Variants in ASXL1 observed in about 807,000 individuals in gnomAD.
ASXL1 encodes ASXL transcriptional regulator 1, also known as polycomb group protein ASXL1.
ASXL1 carries 65 observed loss-of-function variants against 89.1 expected under a neutral mutation model. The ratio of observed to expected loss-of-function variants is 0.73; its 90% CI spans 0.60 to 0.90. ASXL1 has a LOEUF of 0.90. Ranked by LOEUF, ASXL1 falls within the 40% of genes least tolerant of loss-of-function variation. The pLI is 0.00. For synonymous variants in ASXL1, 739 were observed against 746.9 expected (o/e 0.99, Z 0.17); for missense variants, 1,786 against 1,942.9 (o/e 0.92, Z 1.52).
chr20:32,393,757 A>C (rs1275045235), intron 4 of ASXL1, among the ~76,000 whole-genome samples: 1 of 152,162 alleles, frequency 6.6e-6, no homozygotes, highest in Non-Finnish European at 1.5e-5. Context: ...GGTGTGAGCC[A>C]CTGCGGCTGG....
chr20:32,437,865 T>A lies in ASXL1; in HGVS notation c.*527T>A. The A allele has an allele frequency of 4.1e-6, 1 of 243,304 alleles. No individual in the cohort carries two copies. Among genetic ancestry groups the A allele is most frequent in the Non-Finnish European group, 8.1e-6 (1 of 123,930 alleles). 15.1% of individuals were successfully genotyped at this position (243,304 alleles called of 1,614,324 possible). Reference sequence around the variant, plus strand: ...GCACCTGCTGACCTCAGGGTCACAGTTGAGTCATTTGCCAGTTGACGGAGC... The same window carrying A: ...GCACCTGCTGACCTCAGGGTCACAGATGAGTCATTTGCCAGTTGACGGAGC... On this transcript the variant is annotated 3_prime_UTR_variant, in exon 13 of 13. Coordinates refer to ENST00000375687, the MANE Select transcript of ASXL1 (RefSeq NM_015338.6).
intron 4 of ASXL1, among the ~76,000 whole-genome samples, chr20:32,413,995 G>C (rs986938187): frequency 6.6e-6 from 1 of 152,174 alleles, no homozygotes; most frequent in Non-Finnish European, 1.5e-5. Context: ...CAGAATTCCA[G>C]AAGATGTTAC....
chr20:32,384,240 T>C (rs1390605912), intron 4 of ASXL1, among the ~76,000 whole-genome samples: 1 of 139,648 alleles, frequency 7.2e-6, no homozygotes, highest in Admixed American at 7.6e-5. Context: ...AGAGTCTTGC[T>C]GTGTTGCTCA....
In ASXL1 at chr20:32,439,183, T is replaced by C. The variant is rs950478348; in HGVS notation, c.*1845T>C. ...AGGGGCCCAAACATGTCCAGTCCTC[T>C]TCTTCCCTCTGCTGGAACCTTTGGG... On this transcript the variant is annotated 3_prime_UTR_variant, in exon 13 of 13. Coordinates refer to ENST00000375687, the MANE Select transcript of ASXL1 (RefSeq NM_015338.6). 4 of 233,466 alleles carry C rather than the reference T, an allele frequency of 1.7e-5. No individual in the cohort carries two copies. Among genetic ancestry groups the C allele is most frequent in the Admixed American group, 1.1e-4 (2 of 17,782 alleles). 14.5% of individuals were successfully genotyped at this position (233,466 alleles called of 1,614,324 possible).
At chr20:32,419,923 A>G (rs1419717462) in intron 4 of ASXL1, among the ~76,000 whole-genome samples, 1 of 151,302 alleles carries the variant, frequency 6.6e-6, no homozygotes, top group Non-Finnish European at 1.5e-5. Context: ...CAGATGATCC[A>G]CCCACCTCGG....
In ASXL1 at chr20:32,436,175, C is replaced by A. The variant is rs776864243; in HGVS notation, c.3463C>A (p.Leu1155Ile). ...GCTACGCATGGGATCTTTACATGGT[C>A]TTGGAAAAAACAGTGGCATGGTTGA... ...GSLRMGSLHGLGKNSGMVDGS... is the reference protein window; with the variant it reads ...GSLRMGSLHGIGKNSGMVDGS... Residue 1155 changes from leucine (L) to isoleucine (I), a missense_variant, in exon 13 of 13, where the codon CTT becomes ATT. This residue lies in a region of ASXL1 where 1,418 missense variants were observed against 1,427.8 expected (regional missense o/e 0.99). Coordinates refer to ENST00000375687, the MANE Select transcript of ASXL1 (RefSeq NM_015338.6). The A allele has an allele frequency of 2.5e-6, 4 of 1,614,098 alleles. No homozygotes were observed. In the African/African-American group the frequency reaches 5.3e-5, roughly 22 times the overall value.
Position 32,436,560 on chromosome 20 carries a change from G to A in ASXL1, c.3848G>A (p.Gly1283Asp). The change falls in exon 13 of 13, where the codon GGT becomes GAT. Residue 1283 changes from glycine (G) to aspartate (D), a missense_variant. This residue lies in a region of ASXL1 where 1,418 missense variants were observed against 1,427.8 expected (regional missense o/e 0.99). Coordinates refer to ENST00000375687, the MANE Select transcript of ASXL1 (RefSeq NM_015338.6). ...TCATCTCCAAATGTGATCTCCTTTG[G>A]TCCAGAGCAGACAGGTCGGGCCCTG... ...RFSSPNVISF[G>D]PEQTGRALGD... The A allele has an allele frequency of 1.2e-6, 2 of 1,614,184 alleles. No individual in the cohort carries two copies. The highest frequency in any genetic ancestry group is 1.1e-5 in the South Asian group (1 of 91,084).
At position 32,436,975 on chromosome 20, in the gene ASXL1, C is replaced by T; in HGVS notation, c.4263C>T (p.Leu1421=). The T allele has an allele frequency of 6.2e-7, 1 of 1,614,114 alleles. No homozygotes were observed. Among genetic ancestry groups the T allele is most frequent in the Non-Finnish European group, 8.5e-7 (1 of 1,180,024 alleles). The change falls in exon 13 of 13, where the codon CTC becomes CTT. Residue 1421 remains leucine (L), a synonymous_variant. Coordinates refer to ENST00000375687, the MANE Select transcript of ASXL1 (RefSeq NM_015338.6). ...WKLPREPGKG[L]SEPLEPSSLP... is the part of the protein sequence containing the mutation. Reference sequence around the variant, plus strand: ...TACCCCGAGAGCCAGGGAAGGGGCTCAGTGAGCCTCTGGAGCCTTCTTCTC... The same window carrying T: ...TACCCCGAGAGCCAGGGAAGGGGCTTAGTGAGCCTCTGGAGCCTTCTTCTC...
chr20:32,434,265 A>G (rs917943319), intron 12 of ASXL1, 167 bp from the exon 13 acceptor site: 1 of 879,864 alleles, frequency 1.1e-6, no homozygotes, highest in South Asian at 1.6e-5. Flanking sequence ...TCTTCTCTGA[A>G]TGGTGTGTTA....
At chr20:32,378,898 C>T (rs548418992) in intron 4 of ASXL1, among the ~76,000 whole-genome samples, 18 of 151,640 alleles carry the variant, frequency 1.2e-4, no homozygotes, top group South Asian at 2.1e-4. Context: ...GAGGCGGAGG[C>T]GGGCGGATCA....
At chr20:32,374,360 C>T (rs1302788000) in intron 4 of ASXL1, among the ~76,000 whole-genome samples, 1 of 152,126 alleles carries the variant, frequency 6.6e-6, no homozygotes, top group Non-Finnish European at 1.5e-5. Context: ...GTGGCACCAT[C>T]ATAGCTCACT....
chr20:32,376,958 C>T (rs2048391034), intron 4 of ASXL1, among the ~76,000 whole-genome samples: 1 of 140,010 alleles, frequency 7.1e-6, no homozygotes, highest in Admixed American at 7.4e-5. Flanking sequence ...TAATTCTGGC[C>T]AGGCACGTGG....
chr20:32,398,372 G>A (rs2048805703), intron 4 of ASXL1, among the ~76,000 whole-genome samples: 1 of 148,358 alleles, frequency 6.7e-6, no homozygotes, highest in Non-Finnish European at 1.5e-5. Context: ...GTGGCATTTA[G>A]TACATTCACA....
At chr20:32,392,426 G>A (rs1343322461) in intron 4 of ASXL1, among the ~76,000 whole-genome samples, 1 of 151,600 alleles carries the variant, frequency 6.6e-6, no homozygotes, top group East Asian at 1.9e-4. Context: ...GAGATTACAG[G>A]TGCCTGCCAC....
At chr20:32,377,095 T>C (rs2048394583) in intron 4 of ASXL1, among the ~76,000 whole-genome samples, 1 of 129,292 alleles carries the variant, frequency 7.7e-6, no homozygotes, top group South Asian at 2.4e-4. Flanking sequence ...TAGATATCTA[T>C]ATTATATATA....
rs1444168328 is a variant in ASXL1 at position 32,435,930 on chromosome 20, G to C, written c.3218G>C (p.Arg1073Pro). ...QSWVSRVCAV[R>P]QKIPDSLLLA... ...TGGGTGTCTCGAGTATGTGCGGTCC[G>C]CCAAAAGATCCCAGATTCCCTACTG... The change falls in exon 13 of 13, where the codon CGC becomes CCC. Residue 1073 changes from arginine to proline, a missense_variant. Physicochemically the swap from Arg to Pro is moderately radical, Grantham distance 103 (BLOSUM62 -2). This residue lies in a region of ASXL1 where 1,418 missense variants were observed against 1,427.8 expected (regional missense o/e 0.99). Coordinates refer to ENST00000375687, the MANE Select transcript of ASXL1 (RefSeq NM_015338.6). 3 of 1,614,128 alleles carry C rather than the reference G, an allele frequency of 1.9e-6. No individual in the cohort carries two copies. The highest frequency in any genetic ancestry group is 2.7e-5 in the African/African-American group (2 of 75,052).
At chr20:32,359,049 C>G (rs964651257) in intron 1 of ASXL1, 5 of 611,424 alleles carry the variant, frequency 8.2e-6, no homozygotes, top group African/African-American at 3.7e-5. Flanking sequence ...TCGCGCCCCC[C>G]CCGCCCCGCG....
At position 32,437,735 on chromosome 20, in the gene ASXL1, C is replaced by G. The variant is rs546910273; in HGVS notation, c.*397C>G. ...GTAGAAATGCCAGTCTTCCACTACC[C>G]CCTCCCTGCCATCTTTTCTTCTGCT... On this transcript the variant is annotated 3_prime_UTR_variant, in exon 13 of 13. Coordinates refer to ENST00000375687, the MANE Select transcript of ASXL1 (RefSeq NM_015338.6). 33 of 297,448 alleles carry G rather than the reference C, an allele frequency of 1.1e-4. No homozygotes were observed. The highest frequency in any genetic ancestry group is 7.0e-4 in the African/African-American group (33 of 47,124). The allele number at this position is 297,448 out of a possible 1,614,324, so 18.4% of individuals were successfully genotyped here.
chr20:32,434,498 C>T lies in ASXL1; in HGVS notation c.1786C>T (p.Arg596Trp), dbSNP rs780033634. 1.5e-5 allele frequency: 24 copies of T among 1,613,992 alleles called. No homozygotes were observed. In the East Asian group the frequency reaches 1.6e-4, roughly 10 times the overall value. ...TCAGCCCACTTACCAGATATGCCCCCGGATCATCCCCACCACGGAGTCCTC... is the reference window on the plus strand; with the variant it reads ...TCAGCCCACTTACCAGATATGCCCCTGGATCATCCCCACCACGGAGTCCTC... The part of the protein sequence containing the change: ...KGQPTYQICP[R>W]IIPTTESSCR... Residue 596 changes from arginine (R) to tryptophan (W), a missense_variant, in exon 13 of 13, where the codon CGG (arginine) becomes TGG (tryptophan). This residue lies in a region of ASXL1 where 1,418 missense variants were observed against 1,427.8 expected (regional missense o/e 0.99). Transcript: ENST00000375687.
Sources: allele counts gnomAD v4.1 joint callset (sites outside exome capture counted in the v4.1 genomes callset), GRCh38; gene constraint gnomAD v4.1.1; regional missense constraint gnomAD v4.1.1; transcripts MANE v1.5; gene names NCBI Gene and HGNC (gene_info 2026-07-23, HGNC 2026-07-21).